Variants in NKTR observed in about 807,000 individuals in gnomAD.
The protein encoded by NKTR is NK-tumor recognition protein.
NKTR carries 67 observed loss-of-function variants against 156.3 expected under a neutral mutation model. That is an observed-to-expected ratio of 0.43 (90% confidence interval 0.35 to 0.53). NKTR has a LOEUF of 0.53. Ranked by LOEUF, NKTR falls within the 20% of genes least tolerant of loss-of-function variation. The pLI is 0.01. For synonymous variants in NKTR, 640 were observed against 596.6 expected (o/e 1.07, Z -1.06); for missense variants, 1,604 against 1,730.9 (o/e 0.93, Z 1.30).
At chr3:42,625,580 TTGA>T (rs1708300730) in intron 6 of NKTR, among the ~76,000 whole-genome samples, 2 of 152,148 alleles carry the variant, frequency 1.3e-5, no homozygotes, top group Non-Finnish European at 2.9e-5. Flanking sequence ...TAAAGCTGTG[TTGA>T]TGTTTTGGGT....
At chr3:42,630,652 C>T in intron 7 of NKTR, 77 bp downstream of exon 7, 2 of 1,598,764 alleles carry the variant, frequency 1.3e-6, no homozygotes, top group Non-Finnish European at 1.7e-6. Context: ...CATGGTTGAG[C>T]CCTCAAGGGA....
At chr3:42,619,509 C>T (rs895718604) in intron 4 of NKTR, 155 bp from the exon 5 acceptor site, 3 of 1,469,336 alleles carry the variant, frequency 2.0e-6, no homozygotes, top group Middle Eastern at 2.1e-4. Flanking sequence ...ATATATTTTA[C>T]AGATGAAGTT....
upstream of NKTR, chr3:42,600,660 A>C: frequency 5.4e-6 from 1 of 185,608 alleles, no homozygotes. Flanking sequence ...TTAGCGTGGC[A>C]TTGGGAGGCC....
chr3:42,619,477 A>G (rs1191325953), intron 4 of NKTR, 187 bp from the exon 5 acceptor site: 5 of 1,406,398 alleles, frequency 3.6e-6, no homozygotes, highest in African/African-American at 3.0e-5. Context: ...TTTTGATGGT[A>G]TTTCTTGTAA....
chr3:42,648,549 T>TA lies in NKTR; in HGVS notation c.*2576dup, dbSNP rs1710492749. 6.5e-6 allele frequency: 1 copy of TA among 152,704 alleles called. No individual in the cohort carries two copies. Among genetic ancestry groups the TA allele is most frequent in the South Asian group, 2.1e-4 (1 of 4,834 alleles). The allele number at this position is 152,704 out of a possible 1,614,324, so 9.5% of individuals were successfully genotyped here. ...GAATTATGTTGTGTATTGTGCTTCT[T>TA]AATAGGAAATGCATTATTGGACTGT... is the stretch of plus-strand genomic sequence containing the variant. On this transcript the variant is annotated 3_prime_UTR_variant, in exon 17 of 17. Coordinates refer to ENST00000232978, the MANE Select transcript of NKTR (RefSeq NM_005385.4).
intron 2 of NKTR, among the ~76,000 whole-genome samples, chr3:42,614,102 A>C (rs1202753417): frequency 6.6e-6 from 1 of 152,196 alleles, no homozygotes; most frequent in African/African-American, 2.4e-5. Context: ...GCCGGTATCA[A>C]CTGATTCTAA....
chr3:42,610,126 C>G (rs1389092447), intron 2 of NKTR, among the ~76,000 whole-genome samples: 1 of 152,132 alleles, frequency 6.6e-6, no homozygotes, highest in Non-Finnish European at 1.5e-5. Flanking sequence ...CTGCCTCAGC[C>G]TCCCGAGTAG....
chr3:42,615,054 A>G (rs1012138659), intron 2 of NKTR, among the ~76,000 whole-genome samples: 73 of 151,692 alleles, frequency 4.8e-4, no homozygotes, highest in African/African-American at 1.7e-3. Flanking sequence ...AGAAGAGGGT[A>G]AGATATTAGA....
intron 5 of NKTR, chr3:42,620,528 A>G (rs1208459391): frequency 2.0e-6 from 2 of 984,426 alleles, no homozygotes; most frequent in Non-Finnish European, 2.4e-6. Flanking sequence ...CTTTGGGGGA[A>G]AATGGATTAC....
Position 42,630,531 on chromosome 3 carries a change from A to G in NKTR, c.375-15A>G. The stretch of plus-strand genomic sequence containing the variant: ...CGTGTTTGACATCATCTTTGTGTTG[A>G]TGTTTATTACATAGTACCACAAAGC... On this transcript the variant is annotated splice_polypyrimidine_tract_variant and intron_variant, in intron 6 of 16. Transcript: ENST00000232978. The G allele has an allele frequency of 6.2e-7, 1 of 1,613,300 alleles. No individual in the cohort carries two copies. The highest frequency in any genetic ancestry group is 8.5e-7 in the Non-Finnish European group (1 of 1,179,692).
At chr3:42,631,075 G>T in intron 7 of NKTR, 96 bp from the exon 8 acceptor site, 1 of 1,511,388 alleles carries the variant, frequency 6.6e-7, no homozygotes, top group Non-Finnish European at 8.9e-7. Flanking sequence ...TTATTTTCAG[G>T]TCTGTGGACA....
At position 42,641,197 on chromosome 3, in the gene NKTR, AG is replaced by A. The variant is rs201537797; in HGVS notation, c.4047-1302del. Among the ~76,000 whole-genome samples, 1,182 of 152,360 alleles carry A rather than the reference AG, an allele frequency of 7.8e-3. 22 individuals carry two copies. The highest frequency in any genetic ancestry group is 0.027 in the African/African-American group (1,128 of 41,580). On this transcript the variant is annotated intron_variant, in intron 13 of 16. Transcript: ENST00000232978. ...ATTAGGCTGTGAACTCCTTGAAGTC[AG>A]GAACTGTGTGTTACTCATCGTTCAG...
chr3:42,627,272 C>CT, intron 6 of NKTR: 5 of 984,828 alleles, frequency 5.1e-6, no homozygotes, highest in Non-Finnish European at 6.0e-6. Flanking sequence ...TTGCCTTTAT[C>CT]TCTTTAATTC....
chr3:42,611,794 C>T (rs1706845312), intron 2 of NKTR, among the ~76,000 whole-genome samples: 1 of 151,716 alleles, frequency 6.6e-6, no homozygotes, highest in Non-Finnish European at 1.5e-5. Context: ...GAAAAGTCTA[C>T]CTATTGATTC....
Position 42,619,083 on chromosome 3 carries a change from G to T in NKTR, c.197G>T (p.Arg66Leu). ...TGTTATAAAGGTTCTACGTTCCATC[G>T]TGTGGTTAAAAACTTTATGATTCAG... ...KLCYKGSTFH[R>L]VVKNFMIQGG... The change falls in exon 4 of 17, where the codon CGT (arginine) becomes CTT (leucine). Residue 66 changes from arginine (R) to leucine (L), a missense_variant. By Grantham distance (102) the Arg-to-Leu change is moderately radical. This residue lies in a region of NKTR where 73 missense variants were observed against 90.7 expected (regional missense o/e 0.80). Transcript: ENST00000232978. The T allele has an allele frequency of 6.2e-7, 1 of 1,609,164 alleles. No individual in the cohort carries two copies. Among genetic ancestry groups the T allele is most frequent in the Middle Eastern group, 1.7e-4 (1 of 6,040 alleles).
intron 6 of NKTR, chr3:42,629,131 CT>C: frequency 1.0e-6 from 1 of 979,520 alleles, no homozygotes; most frequent in Non-Finnish European, 1.2e-6. Flanking sequence ...ACATTTCTAT[CT>C]TGAAGTTACC....
intron 6 of NKTR, among the ~76,000 whole-genome samples, chr3:42,624,287 T>A (rs1708173602): frequency 6.6e-6 from 1 of 152,034 alleles, no homozygotes; most frequent in Non-Finnish European, 1.5e-5. Context: ...TTTGGAATAG[T>A]ACTGCTCAAG....
At chr3:42,642,872 G>C (rs771303807) in intron 14 of NKTR, among the ~76,000 whole-genome samples, 3 of 152,134 alleles carry the variant, frequency 2.0e-5, no homozygotes, top group Non-Finnish European at 4.4e-5. Flanking sequence ...CTTAACCTAA[G>C]TTTTACATCT....
intron 2 of NKTR, among the ~76,000 whole-genome samples, chr3:42,613,209 T>C (rs1381676079): frequency 1.3e-5 from 2 of 152,146 alleles, no homozygotes; most frequent in Non-Finnish European, 2.9e-5. Flanking sequence ...TGCATTTCCA[T>C]GTGTCATTCC....
Sources: gnomAD v4.1 joint callset for allele counts (sites outside exome capture counted in the v4.1 genomes callset) on GRCh38, gnomAD v4.1.1 for gene constraint, gnomAD v4.1.1 regional missense constraint, MANE v1.5 for transcripts, NCBI Gene and HGNC (gene_info 2026-07-23, HGNC 2026-07-21) for gene names.